SUMF1: variants seen among roughly 807,000 people sequenced by gnomAD.
SUMF1 encodes sulfatase modifying factor 1, also known as formylglycine-generating enzyme.
Under a neutral mutation model 47.6 loss-of-function variants are expected in SUMF1, and 48 were observed. The ratio of observed to expected loss-of-function variants is 1.01; its 90% CI spans 0.80 to 1.28. SUMF1 has a LOEUF of 1.28. Among genes scored for constraint, SUMF1 ranks in the 50% most tolerant of loss-of-function variants. The pLI is 0.00. For synonymous variants in SUMF1, 230 were observed against 192.1 expected (o/e 1.20, Z -1.63); for missense variants, 571 against 485.4 (o/e 1.18, Z -1.66).
intron 7 of SUMF1, among the ~76,000 whole-genome samples, chr3:4,388,087 G>A (rs530037463): frequency 1.5e-4 from 23 of 152,124 alleles, no homozygotes; most frequent in African/African-American, 5.5e-4. Flanking sequence ...AGATCCTTTG[G>A]TTGATGGTAT....
At chr3:4,157,565 G>A (rs945170356) in intron 8 of SUMF1, among the ~76,000 whole-genome samples, 3 of 151,300 alleles carry the variant, frequency 2.0e-5, no homozygotes, top group Admixed American at 6.6e-5. Flanking sequence ...TCACTGGAAG[G>A]GCAAGAGTTG....
chr3:4,210,520 G>A (rs1359193587), intron 8 of SUMF1, among the ~76,000 whole-genome samples: 3 of 152,102 alleles, frequency 2.0e-5, no homozygotes, highest in Admixed American at 6.6e-5. Flanking sequence ...GGGAAAGAAC[G>A]ACCCTTTCCC....
intron 8 of SUMF1, chr3:4,303,338 G>A (rs1413488287): frequency 2.6e-6 from 4 of 1,517,560 alleles, no homozygotes; most frequent in Non-Finnish European, 3.5e-6. Context: ...GCCCAGGACT[G>A]TCAGGGTAGT....
At chr3:4,333,548 T>C (rs1699089490) in intron 8 of SUMF1, among the ~76,000 whole-genome samples, 1 of 152,228 alleles carries the variant, frequency 6.6e-6, no homozygotes, top group South Asian at 2.1e-4. Flanking sequence ...GATCCCATTT[T>C]TTATACCAAA....
At chr3:4,192,726 G>C (rs932297964) in intron 8 of SUMF1, among the ~76,000 whole-genome samples, 2 of 152,092 alleles carry the variant, frequency 1.3e-5, no homozygotes, top group East Asian at 3.9e-4. Context: ...TTAAAGGGTT[G>C]GGGCTTTGAG....
intron 7 of SUMF1, among the ~76,000 whole-genome samples, chr3:4,379,343 T>C (rs1700425717): frequency 1.3e-5 from 2 of 152,130 alleles, no homozygotes; most frequent in Non-Finnish European, 2.9e-5. Flanking sequence ...GGTGTCCTTA[T>C]AAGATGAGGA....
chr3:4,303,909 T>C, intron 8 of SUMF1: 1 of 1,222,384 alleles, frequency 8.2e-7, no homozygotes, highest in African/African-American at 1.6e-5. Flanking sequence ...TCGCAGCCGG[T>C]GTCGTGCATA....
rs535890674 is a variant in SUMF1 at position 4,150,838 on chromosome 3, G to A, written c.1015-82093C>T. ...AGAGCTCCATCTCTTCTGTTCTTAG[G>A]AGCTCAGGGAGGTAGCAACCAGATA... On this transcript the variant is annotated intron_variant and NMD_transcript_variant, in intron 8 of 12. Transcript: ENST00000448413. Among the ~76,000 whole-genome samples the A allele has an allele frequency of 6.6e-5, 10 of 151,516 alleles. No individual in the cohort carries two copies. The South Asian group carries it at 2.1e-3, about 31-fold the overall frequency.
chr3:4,228,748 C>A (rs558810237), intron 8 of SUMF1, among the ~76,000 whole-genome samples: 6 of 152,206 alleles, frequency 3.9e-5, no homozygotes, highest in African/African-American at 7.2e-5. Context: ...CATATCAATT[C>A]TTTTAAATGG....
chr3:4,325,393 C>T (rs1365434035), intron 8 of SUMF1, among the ~76,000 whole-genome samples: 3 of 151,556 alleles, frequency 2.0e-5, no homozygotes, highest in Non-Finnish European at 2.9e-5. Context: ...AAAAAAAGAC[C>T]AAAAACAGAA....
intron 8 of SUMF1, among the ~76,000 whole-genome samples, chr3:4,091,117 C>T (rs1291870825): frequency 6.6e-6 from 1 of 151,552 alleles, no homozygotes; most frequent in African/African-American, 2.4e-5. Flanking sequence ...ACAAAAAACA[C>T]ACATTTTGGG....
chr3:4,416,173 G>C (rs190759854), intron 6 of SUMF1, among the ~76,000 whole-genome samples: 1 of 152,148 alleles, frequency 6.6e-6, no homozygotes, highest in Non-Finnish European at 1.5e-5. Flanking sequence ...AAACAGTTTG[G>C]CCATATATCT....
intron 8 of SUMF1, among the ~76,000 whole-genome samples, chr3:4,185,740 A>G (rs904712007): frequency 1.3e-5 from 2 of 152,234 alleles, no homozygotes; most frequent in Non-Finnish European, 2.9e-5. Flanking sequence ...TAATTTTATA[A>G]AAGATTAATA....
At chr3:4,266,590 G>A (rs1431076472) in intron 8 of SUMF1, among the ~76,000 whole-genome samples, 1 of 151,918 alleles carries the variant, frequency 6.6e-6, no homozygotes, top group Non-Finnish European at 1.5e-5. Context: ...CTGAGACTTT[G>A]CTGAAGTTGC....
intron 8 of SUMF1, among the ~76,000 whole-genome samples, chr3:4,198,704 G>T (rs573681476): frequency 6.6e-6 from 1 of 152,114 alleles, no homozygotes; most frequent in African/African-American, 2.4e-5. Context: ...AGGAAGATCT[G>T]AGGGGAGCCT....
At chr3:4,123,805 C>A (rs1470309455) in intron 8 of SUMF1, among the ~76,000 whole-genome samples, 1 of 152,024 alleles carries the variant, frequency 6.6e-6, no homozygotes, top group African/African-American at 2.4e-5. Flanking sequence ...TCTCTGAGGT[C>A]TTGTTCTTGT....
At chr3:4,101,946 T>A (rs963632338) in intron 8 of SUMF1, among the ~76,000 whole-genome samples, 1 of 152,164 alleles carries the variant, frequency 6.6e-6, no homozygotes. Flanking sequence ...GGAAGGCACC[T>A]GTTCACAGAG....
intron 8 of SUMF1, among the ~76,000 whole-genome samples, chr3:4,304,719 A>G (rs779264857): frequency 3.5e-4 from 54 of 152,200 alleles, no homozygotes; most frequent in Admixed American, 2.0e-3. Flanking sequence ...CAGATAAGAT[A>G]AGAGATTCAA....
intron 9 of SUMF1, among the ~76,000 whole-genome samples, chr3:4,055,367 G>T (rs536513852): frequency 6.6e-6 from 1 of 152,114 alleles, no homozygotes; most frequent in Non-Finnish European, 1.5e-5. Flanking sequence ...CTTTATAATA[G>T]CTCTATTTAT....
Sources: allele counts gnomAD v4.1 joint callset (sites outside exome capture counted in the v4.1 genomes callset), GRCh38; gene constraint gnomAD v4.1.1; transcripts MANE v1.5; gene names NCBI Gene and HGNC (gene_info 2026-07-23, HGNC 2026-07-21).